ROBO2: variants seen among roughly 807,000 people sequenced by gnomAD.
ROBO2 encodes the protein roundabout guidance receptor 2.
A neutral mutation model predicts 160.8 loss-of-function variants in ROBO2; 53 were observed. That is an observed-to-expected ratio of 0.33 (90% CI 0.26 to 0.41). The LOEUF is 0.41. Ranked by LOEUF, ROBO2 falls within the 10% of genes least tolerant of loss-of-function variation. ROBO2 has a pLI of 1.00. For missense variants in ROBO2, 1,577 were observed against 1,722.4 expected (o/e 0.92, Z 1.49); for synonymous variants, 664 against 611.7 (o/e 1.09, Z -1.26).
At chr3:77,320,647 T>G (rs1048312756) in intron 2 of ROBO2, among the ~76,000 whole-genome samples, 12 of 151,896 alleles carry the variant, frequency 7.9e-5, no homozygotes, top group African/African-American at 2.9e-4. Flanking sequence ...TGGCCAAATA[T>G]CTGACCAGAC....
intron 6 of ROBO2, among the ~76,000 whole-genome samples, chr3:77,536,017 G>A (rs1165270665): frequency 6.6e-6 from 1 of 152,134 alleles, no homozygotes; most frequent in Non-Finnish European, 1.5e-5. Context: ...TATTTAATAT[G>A]ATTATAGGAT....
Position 76,561,046 on chromosome 3 carries a change from A to C in ROBO2, c.110-536968A>C, listed in dbSNP as rs574494954. ...TAATGGTGATAGTCAAGCTCTCTCT[A>C]TATATAGACACACACACACAGATAT... is the stretch of plus-strand genomic sequence containing the variant. On this transcript the variant is annotated intron_variant, in intron 2 of 26. Coordinates refer to the ROBO2 transcript ENST00000487694. Among the ~76,000 whole-genome samples the C allele has an allele frequency of 7.3e-5, 11 of 150,158 alleles. No individual in the cohort carries two copies. In the East Asian group the frequency reaches 2.1e-3, roughly 29 times the overall value.
At chr3:77,544,103 C>G (rs1285933824) in intron 6 of ROBO2, among the ~76,000 whole-genome samples, 1 of 99,656 alleles carries the variant, frequency 1.0e-5, no homozygotes, top group Admixed American at 1.2e-4. Flanking sequence ...GGAAACAAAC[C>G]TTAAGTGTTT....
At chr3:76,011,276 G>T (rs1019647117) in intron 2 of ROBO2, among the ~76,000 whole-genome samples, 4 of 152,236 alleles carry the variant, frequency 2.6e-5, no homozygotes, top group African/African-American at 7.2e-5. Context: ...TGGCTGGCTA[G>T]TTAACAACCC....
intron 2 of ROBO2, among the ~76,000 whole-genome samples, chr3:77,182,650 A>G (rs956930681): frequency 6.6e-6 from 1 of 152,066 alleles, no homozygotes; most frequent in Non-Finnish European, 1.5e-5. Flanking sequence ...GCAGGCCTAA[A>G]TGAATAGTGA....
intron 2 of ROBO2, among the ~76,000 whole-genome samples, chr3:76,854,355 T>C (rs1226062652): frequency 2.0e-5 from 3 of 152,140 alleles, no homozygotes; most frequent in African/African-American, 4.8e-5. Context: ...TAAACTTGTA[T>C]AGATCCAATT....
At chr3:77,175,424 TC>T (rs2080050481) in intron 2 of ROBO2, among the ~76,000 whole-genome samples, 1 of 151,954 alleles carries the variant, frequency 6.6e-6, no homozygotes, top group South Asian at 2.1e-4. Context: ...AATGTAGAGG[TC>T]CTTAAATTCT....
At chr3:77,224,760 A>G (rs7432274) in intron 2 of ROBO2, among the ~76,000 whole-genome samples, 68,497 of 151,548 alleles carry the variant, frequency 0.45, 15,889 homozygotes, top group Middle Eastern at 0.61. Context: ...GTCATGATGA[A>G]GGGCTGGGCA....
At chr3:77,315,244 A>G (rs1244416490) in intron 2 of ROBO2, among the ~76,000 whole-genome samples, 1 of 152,210 alleles carries the variant, frequency 6.6e-6, no homozygotes, top group Non-Finnish European at 1.5e-5. Flanking sequence ...AAGCATGGTA[A>G]GTGTAACTGT....
At chr3:76,337,799 T>C (rs2073985951) in intron 2 of ROBO2, among the ~76,000 whole-genome samples, 1 of 152,204 alleles carries the variant, frequency 6.6e-6, no homozygotes, top group Admixed American at 6.5e-5. Flanking sequence ...ACTTGCCTTA[T>C]TCACCTCAAT....
At chr3:77,309,437 A>G (rs1267228870) in intron 2 of ROBO2, among the ~76,000 whole-genome samples, 1 of 152,200 alleles carries the variant, frequency 6.6e-6, no homozygotes, top group Non-Finnish European at 1.5e-5. Context: ...ACTGAAGAGA[A>G]CTTCTATCCA....
intron 2 of ROBO2, among the ~76,000 whole-genome samples, chr3:76,420,417 A>G (rs2075945102): frequency 1.3e-5 from 2 of 152,186 alleles, no homozygotes; most frequent in African/African-American, 4.8e-5. Context: ...TTAAATGATG[A>G]CGTGTTAAAA....
At chr3:76,203,218 G>A (rs779364472) in intron 2 of ROBO2, among the ~76,000 whole-genome samples, 13 of 152,138 alleles carry the variant, frequency 8.5e-5, no homozygotes, top group Non-Finnish European at 1.2e-4. Context: ...TGACTGATAC[G>A]GACTCCATCA....
At chr3:76,272,953 A>ATATAGAATAT (rs1559706585) in intron 2 of ROBO2, among the ~76,000 whole-genome samples, 1 of 31,306 alleles carries the variant, frequency 3.2e-5, no homozygotes. Context: ...TAAAATATAT[A>ATATAGAATAT]ATATATATTT....
intron 2 of ROBO2, among the ~76,000 whole-genome samples, chr3:76,365,213 A>G (rs145613816): frequency 3.3e-4 from 50 of 152,134 alleles, no homozygotes; most frequent in African/African-American, 7.2e-4. Context: ...CTTGTGCCCA[A>G]TGGTATTTTC....
At chr3:77,009,901 G>A (rs1041588773) in intron 2 of ROBO2, among the ~76,000 whole-genome samples, 2 of 143,812 alleles carry the variant, frequency 1.4e-5, no homozygotes, top group South Asian at 4.4e-4. Context: ...AGCTGAAGTC[G>A]TGCCACTGCA....
chr3:76,744,653 C>A (rs548159640), intron 2 of ROBO2, among the ~76,000 whole-genome samples: 3 of 152,038 alleles, frequency 2.0e-5, no homozygotes, highest in African/African-American at 7.3e-5. Context: ...TCAGCCACCA[C>A]GCCTGGCAAG....
At chr3:77,394,179 TC>T (rs1169857849) in intron 2 of ROBO2, among the ~76,000 whole-genome samples, 2 of 152,122 alleles carry the variant, frequency 1.3e-5, no homozygotes, top group African/African-American at 2.4e-5. Flanking sequence ...GCATCCATCT[TC>T]CATAAAAAAG....
chr3:76,528,783 T>C (rs1001771806), intron 2 of ROBO2, among the ~76,000 whole-genome samples: 11 of 152,042 alleles, frequency 7.2e-5, no homozygotes, highest in Non-Finnish European at 1.5e-4. Flanking sequence ...TTCCTAGGAC[T>C]GAAGCCTAGG....
Sources: gnomAD v4.1 joint callset for allele counts (sites outside exome capture counted in the v4.1 genomes callset) on GRCh38, gnomAD v4.1.1 for gene constraint, MANE v1.5 for transcripts, NCBI Gene and HGNC (gene_info 2026-07-23, HGNC 2026-07-21) for gene names.